HMOX1: variants seen among roughly 807,000 people sequenced by gnomAD.
HMOX1 encodes heat shock protein, 32-kD.
In HMOX1, 22 loss-of-function variants were observed where a neutral mutation model predicts 27.8. That is an observed-to-expected ratio of 0.79 (90% confidence interval 0.57 to 1.13). The LOEUF is 1.13. HMOX1 is among the 50% of genes most tolerant of loss of function. The pLI, the probability that HMOX1 is intolerant of heterozygous loss-of-function variation, is 0.00. For missense variants in HMOX1, 379 were observed against 377.7 expected (o/e 1.00, Z -0.03); for synonymous variants, 153 against 151.6 (o/e 1.01, Z -0.07).
At position 35,381,115 on chromosome 22, in the gene HMOX1, G is replaced by A. The variant is rs1041897623; in HGVS notation, c.-59G>A. On this transcript the variant is annotated 5_prime_UTR_variant, in exon 1 of 5. Transcript: ENST00000216117. ...GCAGTCAACGCCTGCCTCCTCTCGA[G>A]CGTCCTCAGCGCAGCCGCCGCCCGC... The A allele has an allele frequency of 9.1e-6, 14 of 1,534,010 alleles. No homozygotes were observed. Among genetic ancestry groups the A allele is most frequent in the Non-Finnish European group, 2.6e-6 (3 of 1,145,536 alleles).
chr22:35,393,149 C>G (rs143851011), intron 4 of HMOX1, among the ~76,000 whole-genome samples: 130 of 152,288 alleles, frequency 8.5e-4, no homozygotes, highest in African/African-American at 3.0e-3. Flanking sequence ...ACAGCTCAGA[C>G]CTAATTGCTG....
intron 1 of HMOX1, among the ~76,000 whole-genome samples, chr22:35,381,516 G>A (rs190175500): frequency 3.7e-4 from 56 of 152,070 alleles, no homozygotes; most frequent in Admixed American, 6.5e-4. Flanking sequence ...GCTCTCTGCT[G>A]AATCTAGATC....
At chr22:35,388,445 A>T (rs1290178554) in intron 3 of HMOX1, among the ~76,000 whole-genome samples, 1 of 150,842 alleles carries the variant, frequency 6.6e-6, no homozygotes, top group Non-Finnish European at 1.5e-5. Flanking sequence ...GCAACAGAGC[A>T]AGACTCTGTC....
At chr22:35,390,024 G>T in intron 4 of HMOX1, 61 bp downstream of exon 4, 2 of 1,078,190 alleles carry the variant, frequency 1.9e-6, no homozygotes, top group South Asian at 2.6e-5. Context: ...TTGGCTGTCT[G>T]ACTGTAGTAT....
intron 2 of HMOX1, among the ~76,000 whole-genome samples, chr22:35,384,024 G>C (rs116814805): frequency 0.013 from 2,039 of 152,226 alleles, 51 homozygotes; most frequent in African/African-American, 0.047. Context: ...CTTCATCCCA[G>C]TCCCTTTTGC....
intron 1 of HMOX1, 51 bp from the exon 2 acceptor site, chr22:35,383,055 G>A: frequency 3.1e-6 from 5 of 1,607,914 alleles, no homozygotes; most frequent in Non-Finnish European, 4.3e-6. Flanking sequence ...CAGTTGGGAA[G>A]GACCCCACCC....
intron 2 of HMOX1, among the ~76,000 whole-genome samples, chr22:35,384,066 A>T (rs1931450063): frequency 6.6e-6 from 1 of 151,602 alleles, no homozygotes; most frequent in Non-Finnish European, 1.5e-5. Context: ...CCTACTTCCA[A>T]CATGAGACAT....
chr22:35,381,395 C>T lies in HMOX1; in HGVS notation c.23+199C>T. 4.7e-6 allele frequency: 3 copies of T among 634,340 alleles called. No homozygotes were observed. In the South Asian group the frequency reaches 5.7e-5, roughly 12 times the overall value. 39.3% of individuals were successfully genotyped at this position (634,340 alleles called of 1,614,324 possible). ...GAGGGAGGAACGGTAATTTACATGC[C>T]TGGCACCCTGGTATGCGGTTGGTGA... is the stretch of plus-strand genomic sequence containing the variant. On this transcript the variant is annotated intron_variant, in intron 1 of 4. Coordinates refer to ENST00000216117, the MANE Select transcript of HMOX1 (RefSeq NM_002133.3).
rs1931669357 is a variant in HMOX1 at position 35,389,908 on chromosome 22, C to A, written c.681C>A (p.Asp227Glu). 6.2e-7 allele frequency: 1 copy of A among 1,612,012 alleles called. No homozygotes were observed. Among genetic ancestry groups the A allele is most frequent in the African/African-American group, 1.3e-5 (1 of 74,876 alleles). ...AGCTGCTGACCCATGACACCAAGGA[C>A]CAGAGCCCCTCACGGGCACCAGGGC... ...LQELLTHDTK[D>E]QSPSRAPGLR... The change falls in exon 4 of 5, where the codon GAC (aspartate) becomes GAA (glutamate). Residue 227 changes from aspartate to glutamate, a missense_variant. Transcript: ENST00000216117.
rs1931774640 is a variant in HMOX1 at position 35,393,454 on chromosome 22, A to G, written c.737-14A>G. On this transcript the variant is annotated splice_polypyrimidine_tract_variant and intron_variant, in intron 4 of 4. Coordinates refer to ENST00000216117, the MANE Select transcript of HMOX1 (RefSeq NM_002133.3). ...GCCCACCTGTTAATGACCTTGCCCC[A>G]TTTTCTCTTTCAGATTCTGCCCCCG... 6.2e-7 allele frequency: 1 copy of G among 1,613,830 alleles called. No homozygotes were observed. Among genetic ancestry groups the G allele is most frequent in the Non-Finnish European group, 8.5e-7 (1 of 1,179,976 alleles).
intron 3 of HMOX1, among the ~76,000 whole-genome samples, 187 bp from the exon 4 acceptor site, chr22:35,389,677 G>T (rs910165318): frequency 6.7e-6 from 1 of 149,204 alleles, no homozygotes; most frequent in Non-Finnish European, 1.5e-5. Context: ...CTTCTGACCC[G>T]TGATGTGCCC....
At position 35,393,705 on chromosome 22, in the gene HMOX1, T is replaced by C; in HGVS notation, c.*107T>C. ...CTTCCTTACCGTGGGCACTGAAGGCTTTCAGGGCCTCCAGCCCTCTCACTG... is the reference window on the plus strand; with the variant it reads ...CTTCCTTACCGTGGGCACTGAAGGCCTTCAGGGCCTCCAGCCCTCTCACTG... On this transcript the variant is annotated 3_prime_UTR_variant, in exon 5 of 5. Coordinates refer to ENST00000216117, the MANE Select transcript of HMOX1 (RefSeq NM_002133.3). 19 of 1,315,828 alleles carry C rather than the reference T, an allele frequency of 1.4e-5. No individual in the cohort carries two copies. The highest frequency in any genetic ancestry group is 2.3e-5 in the East Asian group (1 of 43,256). The allele number at this position is 1,315,828 out of a possible 1,614,324, so 81.5% of individuals were successfully genotyped here. A position where few individuals can be genotyped will look rare whatever the true frequency, so the allele number is the denominator to read the frequency against.
At chr22:35,382,517 A>AT (rs58712001) in intron 1 of HMOX1, among the ~76,000 whole-genome samples, 18,275 of 119,280 alleles carry the variant, frequency 0.15, 2,465 homozygotes, top group African/African-American at 0.35. Flanking sequence ...ATGCCCGGCT[A>AT]TTTTTTTTTT....
intron 3 of HMOX1, among the ~76,000 whole-genome samples, chr22:35,389,379 C>CCTTT (rs1913076421): frequency 3.2e-5 from 2 of 63,026 alleles, no homozygotes; most frequent in Non-Finnish European, 5.6e-5. Context: ...TTCCTTCCTT[C>CCTTT]CTTCCTTCCT....
At chr22:35,388,663 G>C (rs1406884623) in intron 3 of HMOX1, among the ~76,000 whole-genome samples, 2 of 150,850 alleles carry the variant, frequency 1.3e-5, no homozygotes, top group Non-Finnish European at 3.0e-5. Context: ...TGGGCATGGT[G>C]GTGGGCACCT....
chr22:35,382,839 G>T (rs1931414395), intron 1 of HMOX1, among the ~76,000 whole-genome samples: 1 of 151,642 alleles, frequency 6.6e-6, no homozygotes, highest in Non-Finnish European at 1.5e-5. Flanking sequence ...TGTATTTTTA[G>T]TAGAGACGGG....
rs757283184 is a variant in HMOX1, at chr22:35,389,863, G to A, written c.637-1G>A. 1.9e-6 allele frequency: 3 copies of A among 1,602,796 alleles called. No individual in the cohort carries two copies. Among genetic ancestry groups the A allele is most frequent in the Non-Finnish European group, 2.6e-6 (3 of 1,174,908 alleles). ...AGGCATGTGTGTCTTTTGTCTTTTA[G>A]CTCTTTGAGGAGTTGCAGGAGCTGC... On this transcript the variant is annotated splice_acceptor_variant, in intron 3 of 4. Coordinates refer to ENST00000216117, the MANE Select transcript of HMOX1 (RefSeq NM_002133.3). LOFTEE classifies it high-confidence loss of function.
At chr22:35,387,326 G>GCAAA (rs929172633) in intron 3 of HMOX1, 150 bp downstream of exon 3, 1 of 865,876 alleles carries the variant, frequency 1.2e-6, no homozygotes, top group African/African-American at 1.7e-5. Flanking sequence ...GTGATCTTGG[G>GCAAA]CAAATGCCTT....
chr22:35,389,198 T>C (rs1390054259), intron 3 of HMOX1, among the ~76,000 whole-genome samples: 1 of 125,854 alleles, frequency 7.9e-6, no homozygotes, highest in Non-Finnish European at 1.6e-5. Flanking sequence ...ATTTTCTTTC[T>C]TTCTTTCTTT....
Sources: allele counts gnomAD v4.1 joint callset (sites outside exome capture counted in the v4.1 genomes callset), GRCh38; gene constraint gnomAD v4.1.1; transcripts MANE v1.5; gene names NCBI Gene and HGNC (gene_info 2026-07-23, HGNC 2026-07-21).